SESTD1: variants seen among roughly 807,000 people sequenced by gnomAD.
SESTD1 encodes the protein SEC14 domain and spectrin repeat-containing protein 1.
In SESTD1, 43 loss-of-function variants were observed where a neutral mutation model predicts 101.7. The ratio of observed to expected loss-of-function variants is 0.42; its 90% confidence interval spans 0.33 to 0.55. SESTD1 has a LOEUF of 0.55. Ranked by LOEUF, SESTD1 falls within the 20% of genes least tolerant of loss-of-function variation. SESTD1 has a pLI of 0.07. For synonymous variants in SESTD1, 283 were observed against 286.8 expected (o/e 0.99, Z 0.13); for missense variants, 647 against 815.1 (o/e 0.79, Z 2.51).
In SESTD1 at chr2:179,142,518, C is replaced by T. The variant is rs150452841; in HGVS notation, c.849+1074G>A. Among the ~76,000 whole-genome samples the T allele has an allele frequency of 1.1e-3, 174 of 152,298 alleles. 1 individual carries two copies. The highest frequency in any genetic ancestry group is 4.1e-3 in the African/African-American group (171 of 41,556). On this transcript the variant is annotated intron_variant, in intron 9 of 17. Coordinates refer to ENST00000428443, the MANE Select transcript of SESTD1 (RefSeq NM_178123.5). ...ATGGTCACACAGCTAAGTGAAGAAA[C>T]TGGGATTGGGATCATGCTCTATGAC... is the stretch of plus-strand genomic sequence containing the variant.
intron 16 of SESTD1, among the ~76,000 whole-genome samples, 182 bp downstream of exon 16, chr2:179,114,883 A>G (rs1439430137): frequency 1.3e-5 from 2 of 152,250 alleles, no homozygotes; most frequent in Admixed American, 6.5e-5. Flanking sequence ...ACTGGTAAGG[A>G]TTAAGGAAAT....
rs1469751603 is a variant in SESTD1, at chr2:179,109,182, C to T, written c.*717G>A. 1 of 152,100 alleles carries T rather than the reference C, an allele frequency of 6.6e-6. No homozygotes were observed. Among genetic ancestry groups the T allele is most frequent in the Admixed American group, 6.6e-5 (1 of 15,226 alleles). The allele number at this position is 152,100 out of a possible 1,614,324, so 9.4% of individuals were successfully genotyped here. On this transcript the variant is annotated 3_prime_UTR_variant, in exon 18 of 18. Transcript: ENST00000428443. ...ATACACATGCTTACATATGTATTTC[C>T]TGTCTAAAATACATGCAACCACCAT...
intron 1 of SESTD1, among the ~76,000 whole-genome samples, chr2:179,250,999 T>G (rs1371596086): frequency 6.6e-6 from 1 of 152,098 alleles, no homozygotes; most frequent in Non-Finnish European, 1.5e-5. Flanking sequence ...GCTTTACTCC[T>G]AAGAGTCAAA....
chr2:179,158,739 T>C (rs921435181), intron 5 of SESTD1, among the ~76,000 whole-genome samples: 7 of 152,226 alleles, frequency 4.6e-5, no homozygotes, highest in African/African-American at 1.7e-4. Flanking sequence ...AAACATTTTA[T>C]ACAATCCATA....
intron 1 of SESTD1, among the ~76,000 whole-genome samples, chr2:179,214,321 G>C (rs1473769855): frequency 1.5e-5 from 2 of 133,500 alleles, no homozygotes; most frequent in African/African-American, 6.0e-5. Flanking sequence ...AAAAAGCAAA[G>C]GTTGAAATCC....
intron 1 of SESTD1, among the ~76,000 whole-genome samples, chr2:179,234,395 A>G (rs538968951): frequency 6.6e-6 from 1 of 152,346 alleles, no homozygotes; most frequent in East Asian, 1.9e-4. Context: ...CACACTAAAA[A>G]GAATTAGGGC....
intron 1 of SESTD1, among the ~76,000 whole-genome samples, chr2:179,236,285 C>T (rs2047064292): frequency 7.6e-6 from 1 of 130,982 alleles, no homozygotes; most frequent in Admixed American, 8.6e-5. Context: ...CCCAAGAGTT[C>T]AAGACCAGCC....
At chr2:179,219,591 A>ACC (rs1457515685) in intron 1 of SESTD1, among the ~76,000 whole-genome samples, 2 of 152,280 alleles carry the variant, frequency 1.3e-5, no homozygotes, top group African/African-American at 2.4e-5. Context: ...TTAGAAATTA[A>ACC]CAAATACAAG....
intron 5 of SESTD1, among the ~76,000 whole-genome samples, chr2:179,163,574 AAAG>A (rs922239442): frequency 1.4e-5 from 2 of 145,672 alleles, no homozygotes; most frequent in African/African-American, 5.4e-5. Flanking sequence ...TATATATATA[AAAG>A]AAGGAAAAAA....
intron 12 of SESTD1, among the ~76,000 whole-genome samples, chr2:179,122,938 GT>G (rs1264558059): frequency 2.0e-5 from 3 of 152,164 alleles, no homozygotes; most frequent in Admixed American, 6.5e-5. Context: ...TAAAATGTCA[GT>G]ACAAGTGTGA....
chr2:179,168,245 TAATA>T (rs2045869844), intron 5 of SESTD1, among the ~76,000 whole-genome samples: 1 of 152,206 alleles, frequency 6.6e-6, no homozygotes, highest in Admixed American at 6.5e-5. Flanking sequence ...CACTTCTACT[TAATA>T]AATAGTAAAT....
intron 7 of SESTD1, among the ~76,000 whole-genome samples, chr2:179,148,853 G>A (rs1437251851): frequency 6.6e-6 from 1 of 152,018 alleles, no homozygotes; most frequent in African/African-American, 2.4e-5. Context: ...GAGGTCAGGA[G>A]ATCGAGACCA....
chr2:179,108,290 TCA>T lies in SESTD1; in HGVS notation c.*1607_*1608del, dbSNP rs1423772190. ...TTAAATTAGGGTTATGCGACTGTAC[TCA>T]CAGTTATTTCAGAGGATAGCATCTT... On this transcript the variant is annotated 3_prime_UTR_variant, in exon 18 of 18. Coordinates refer to ENST00000428443, the MANE Select transcript of SESTD1 (RefSeq NM_178123.5). 6.6e-6 allele frequency: 1 copy of T among 152,150 alleles called. No homozygotes were observed. Among genetic ancestry groups the T allele is most frequent in the African/African-American group, 2.4e-5 (1 of 41,430 alleles). 9.4% of individuals were successfully genotyped at this position (152,150 alleles called of 1,614,324 possible).
intron 1 of SESTD1, among the ~76,000 whole-genome samples, chr2:179,198,691 G>C (rs2046447264): frequency 6.6e-6 from 1 of 151,784 alleles, no homozygotes; most frequent in African/African-American, 2.4e-5. Flanking sequence ...TGAACAACCT[G>C]CTCCTGAATG....
intron 9 of SESTD1, among the ~76,000 whole-genome samples, chr2:179,135,687 A>T (rs1261998595): frequency 6.6e-6 from 1 of 152,152 alleles, no homozygotes; most frequent in Non-Finnish European, 1.5e-5. Context: ...TGGGAGGCGG[A>T]GGTTGCAGTA....
chr2:179,117,464 G>A (rs2044658184), intron 14 of SESTD1, 68 bp downstream of exon 14: 4 of 1,362,944 alleles, frequency 2.9e-6, no homozygotes, highest in Admixed American at 2.6e-5. Context: ...GTACACTTTT[G>A]TTTGTAGTTA....
In SESTD1 at chr2:179,204,680, A is replaced by G. The variant is rs115784739; in HGVS notation, c.-25-12814T>C. Among the ~76,000 whole-genome samples, 839 of 135,706 alleles carry G rather than the reference A, an allele frequency of 6.2e-3. 209 individuals carry two copies. The highest frequency in any genetic ancestry group is 0.023 in the African/African-American group (805 of 34,506). The allele number at this position is 135,706 out of a possible 152,430, so 89.0% of individuals were successfully genotyped here. On this transcript the variant is annotated intron_variant, in intron 1 of 17. Transcript: ENST00000428443. The stretch of plus-strand genomic sequence containing the variant: ...CTTCCTTTTAGGTTGACATGCATAC[A>G]GACATGCCACTGCCTTGATTCATGC...
chr2:179,126,868 C>T (rs1007667066), intron 10 of SESTD1, among the ~76,000 whole-genome samples: 28 of 152,138 alleles, frequency 1.8e-4, no homozygotes, highest in Admixed American at 6.5e-5. Flanking sequence ...CTTTCATCAG[C>T]AAGTCTTGCT....
intron 5 of SESTD1, among the ~76,000 whole-genome samples, chr2:179,167,554 C>A (rs1024867027): frequency 4.6e-5 from 7 of 151,944 alleles, no homozygotes; most frequent in Non-Finnish European, 8.8e-5. Flanking sequence ...GGAATAAATA[C>A]CAAATAGAAC....
Sources: gnomAD v4.1 joint callset for allele counts (sites outside exome capture counted in the v4.1 genomes callset) on GRCh38, gnomAD v4.1.1 for gene constraint, MANE v1.5 for transcripts, NCBI Gene and HGNC (gene_info 2026-07-23, HGNC 2026-07-21) for gene names.